RAI14: variants seen among roughly 807,000 people sequenced by gnomAD.
RAI14 encodes the protein retinoic acid induced 14.
Under a neutral mutation model 115.4 loss-of-function variants are expected in RAI14, and 45 were observed. The observed-to-expected ratio is 0.39, with a 90% CI of 0.31 to 0.50. The LOEUF is 0.50. Ranked by LOEUF, RAI14 falls within the 20% of genes least tolerant of loss-of-function variation. The pLI, the probability that RAI14 is intolerant of heterozygous loss-of-function variation, is 0.85. For missense variants in RAI14, 939 were observed against 1,131.2 expected, an observed-to-expected ratio of 0.83 and a Z score of 2.44; for synonymous variants, 371 against 415.4, an observed-to-expected ratio of 0.89 and a Z score of 1.30.
At chr5:34,824,604 G>A in intron 15 of RAI14, 113 bp downstream of exon 15, 1 of 858,444 alleles carries the variant, frequency 1.2e-6, no homozygotes, top group Non-Finnish European at 1.7e-6. Flanking sequence ...ATGCTCAGAG[G>A]CTCTGCACAT....
At chr5:34,818,660 C>G in intron 12 of RAI14, 137 bp from the exon 13 acceptor site, 1 of 575,208 alleles carries the variant, frequency 1.7e-6, no homozygotes, top group Non-Finnish European at 3.0e-6. Flanking sequence ...CTTCTTTCTT[C>G]GAGATTTTCT....
chr5:34,754,406 A>T (rs1341516548), intron 2 of RAI14, among the ~76,000 whole-genome samples: 1 of 152,218 alleles, frequency 6.6e-6, no homozygotes, highest in Non-Finnish European at 1.5e-5. Flanking sequence ...TCTTCTTAAA[A>T]TTTTTTATTT....
At chr5:34,693,259 G>A (rs1043263834) in intron 2 of RAI14, among the ~76,000 whole-genome samples, 1 of 152,126 alleles carries the variant, frequency 6.6e-6, no homozygotes, top group African/African-American at 2.4e-5. Context: ...ACAACTCCAT[G>A]CCCTTCCATC....
chr5:34,791,310 G>A lies in RAI14; in HGVS notation c.168-4629G>A, dbSNP rs1224729925. On this transcript the variant is annotated intron_variant, in intron 3 of 17. Coordinates refer to ENST00000265109, the MANE Select transcript of RAI14 (RefSeq NM_015577.3). This position sits in a 1 kb window ranked among gnomAD's most constrained non-coding sequence, Gnocchi z 5.4. The stretch of plus-strand genomic sequence containing the variant: ...CTAAAGTCATTTGTTTTTCTTACCC[G>A]TGGAGAGGTGTATTCTTGAACCCTT... Among the ~76,000 whole-genome samples the A allele has an allele frequency of 4.6e-5, 7 of 152,016 alleles. No homozygotes were observed. Among genetic ancestry groups the A allele is most frequent in the East Asian group, 1.9e-4 (1 of 5,180 alleles).
chr5:34,808,638 T>C lies in RAI14; in HGVS notation c.434T>C (p.Ile145Thr). ...ATTCTCTGCGAACACAAGAGCCCCA[T>C]AAACCTCAAAGATTTGGTAAGTACC... is the stretch of plus-strand genomic sequence containing the variant. ...VQILCEHKSP[I>T]NLKDLDGNIP... is the part of the protein sequence containing the mutation. The change falls in exon 7 of 18, where the codon ATA becomes ACA. Residue 145 changes from isoleucine (I) to threonine (T), a missense_variant. Coordinates refer to ENST00000265109, the MANE Select transcript of RAI14 (RefSeq NM_015577.3). The C allele has an allele frequency of 6.2e-7, 1 of 1,614,188 alleles. No individual in the cohort carries two copies. The highest frequency in any genetic ancestry group is 8.5e-7 in the Non-Finnish European group (1 of 1,180,006).
Position 34,823,501 on chromosome 5 carries a change from G to C in RAI14, c.1659G>C (p.Val553=). The change falls in exon 15 of 18, where the codon GTG becomes GTC. Residue 553 remains valine (V), a synonymous_variant. Transcript: ENST00000265109. The surrounding 1 kb of genome is among the most constrained non-coding windows in gnomAD (Gnocchi z 4.5). ...LEESERNKEK[V]RELEEKLVER... ...AAAGTGAAAGAAATAAAGAGAAAGT[G>C]AGAGAGTTAGAGGAAAAACTGGTAG... 1 of 1,614,100 alleles carries C rather than the reference G, an allele frequency of 6.2e-7. No homozygotes were observed. The highest frequency in any genetic ancestry group is 8.5e-7 in the Non-Finnish European group (1 of 1,180,014).
intron 1 of RAI14, among the ~76,000 whole-genome samples, chr5:34,662,745 T>TTTTTTTA (rs869272839): frequency 6.9e-6 from 1 of 144,028 alleles, no homozygotes. Context: ...TTTTTTTTTT[T>TTTTTTTA]AGACACAGAG....
chr5:34,742,484 C>T (rs560093705), intron 2 of RAI14, among the ~76,000 whole-genome samples: 31 of 152,074 alleles, frequency 2.0e-4, no homozygotes, highest in African/African-American at 7.0e-4. Context: ...CAGCCTTGAG[C>T]CATATTCTTT....
chr5:34,674,897 ATTTTTT>A (rs35952675), intron 1 of RAI14, among the ~76,000 whole-genome samples: 16,284 of 130,344 alleles, frequency 0.12, 2,482 homozygotes, highest in African/African-American at 0.37. Flanking sequence ...ACTTCATTGG[ATTTTTT>A]TTTTTTTTTT....
intron 3 of RAI14, among the ~76,000 whole-genome samples, chr5:34,783,513 T>G (rs1751921644): frequency 1.3e-5 from 2 of 152,228 alleles, no homozygotes; most frequent in Admixed American, 1.3e-4. Context: ...AAGTTTTTGT[T>G]ATTGGATTTC....
At chr5:34,710,720 CACCA>C (rs1266657302) in intron 2 of RAI14, among the ~76,000 whole-genome samples, 1 of 151,994 alleles carries the variant, frequency 6.6e-6, no homozygotes, top group Non-Finnish European at 1.5e-5. Context: ...GATCTCCCTG[CACCA>C]TCCCTCCACC....
chr5:34,808,339 T>G (rs1386523311), intron 6 of RAI14, among the ~76,000 whole-genome samples: 1 of 152,250 alleles, frequency 6.6e-6, no homozygotes, highest in Non-Finnish European at 1.5e-5. Context: ...TGTGAAAACC[T>G]GAGCCAAATA....
At chr5:34,781,587 G>A (rs1157434924) in intron 3 of RAI14, among the ~76,000 whole-genome samples, 4 of 152,188 alleles carry the variant, frequency 2.6e-5, no homozygotes, top group African/African-American at 4.8e-5. Context: ...TTTTGCAGAA[G>A]ATAATAAGGC....
At chr5:34,799,938 C>T (rs1200406368) in intron 4 of RAI14, among the ~76,000 whole-genome samples, 2 of 152,134 alleles carry the variant, frequency 1.3e-5, no homozygotes, top group African/African-American at 2.4e-5. Flanking sequence ...CCGCCTGCCT[C>T]GGCCTCCCAA....
At chr5:34,776,792 G>C (rs1227867774) in intron 3 of RAI14, among the ~76,000 whole-genome samples, 1 of 92,380 alleles carries the variant, frequency 1.1e-5, no homozygotes, top group South Asian at 2.9e-4. Flanking sequence ...GGGTGACAGA[G>C]TGAGACCCTT....
intron 13 of RAI14, among the ~76,000 whole-genome samples, chr5:34,821,022 A>AGAGG (rs762140248): frequency 1.3e-5 from 2 of 152,226 alleles, no homozygotes; most frequent in Non-Finnish European, 2.9e-5. Flanking sequence ...TTGAGAATGT[A>AGAGG]GAGGGTGTGA....
intron 1 of RAI14, among the ~76,000 whole-genome samples, chr5:34,665,500 T>C (rs564423953): frequency 6.2e-4 from 94 of 150,716 alleles, no homozygotes; most frequent in Admixed American, 1.2e-3. Flanking sequence ...TTTCTTTTTT[T>C]TTTTTTTTCT....
chr5:34,656,957 G>T (rs1742318640), intron 1 of RAI14: 1 of 152,314 alleles, frequency 6.6e-6, no homozygotes, highest in Non-Finnish European at 1.5e-5. Flanking sequence ...GAACTTGGAG[G>T]AGGTGGGGAG....
intron 3 of RAI14, among the ~76,000 whole-genome samples, chr5:34,795,166 G>C (rs1753357350): frequency 6.6e-6 from 1 of 152,138 alleles, no homozygotes. Context: ...TGATTGAATT[G>C]GCATTTGGAT....
Sources: gnomAD v4.1 joint callset for allele counts (sites outside exome capture counted in the v4.1 genomes callset) on GRCh38, gnomAD v4.1.1 for gene constraint, Gnocchi (gnomAD v3.1) non-coding constraint, MANE v1.5 for transcripts, NCBI Gene and HGNC (gene_info 2026-07-23, HGNC 2026-07-21) for gene names.